Variants in MATN2 observed in about 807,000 individuals in gnomAD.
MATN2 encodes matrilin-2.
Under a neutral mutation model 103.2 loss-of-function variants are expected in MATN2, and 69 were observed. The ratio of observed to expected loss-of-function variants is 0.67; its 90% CI spans 0.55 to 0.82. The LOEUF (loss-of-function observed/expected upper bound fraction) is 0.82, where lower values mean the gene tolerates loss of function less well. Ranked by LOEUF, MATN2 falls within the 40% of genes least tolerant of loss-of-function variation. The pLI is 0.00. For synonymous variants in MATN2, 429 were observed against 450.2 expected, an observed-to-expected ratio of 0.95 and a Z score of 0.60; for missense variants, 1,023 against 1,211.5, an observed-to-expected ratio of 0.84 and a Z score of 2.31.
intron 15 of MATN2, among the ~76,000 whole-genome samples, chr8:98,030,855 G>T (rs1813990225): frequency 6.6e-6 from 1 of 151,914 alleles, no homozygotes; most frequent in Non-Finnish European, 1.5e-5. Flanking sequence ...TAGAGATGAG[G>T]TTTCACCATG....
At chr8:97,980,274 A>G (rs934290317) in intron 6 of MATN2, among the ~76,000 whole-genome samples, 1 of 152,244 alleles carries the variant, frequency 6.6e-6, no homozygotes, top group African/African-American at 2.4e-5. Context: ...AAGTAAATGA[A>G]TGAGTGGGCT....
chr8:97,905,611 C>T (rs369643300), intron 2 of MATN2, among the ~76,000 whole-genome samples: 9 of 152,144 alleles, frequency 5.9e-5, no homozygotes, highest in East Asian at 5.8e-4. Context: ...CACCTGTCAA[C>T]GGCCACAGGT....
chr8:98,015,117 C>A (rs1359099232), intron 10 of MATN2, among the ~76,000 whole-genome samples: 1 of 152,174 alleles, frequency 6.6e-6, no homozygotes, highest in Non-Finnish European at 1.5e-5. Context: ...GTCCAGCAAC[C>A]TGGGAGTCTT....
At position 97,963,633 on chromosome 8, in the gene MATN2, G is replaced by T. The variant is rs13262727; in HGVS notation, c.958+2103G>T. 7.4e-3 allele frequency among the ~76,000 whole-genome samples: 1,130 copies of T among 152,240 alleles called. 11 individuals carry two copies. The highest frequency in any genetic ancestry group is 0.016 in the South Asian group (77 of 4,810). On this transcript the variant is annotated intron_variant, in intron 5 of 18. Transcript: ENST00000254898. ...TTGGCGTGCTGTTTATCGGAGATGG[G>T]CGTTTCTCTGCGGCTGCTTGACTGC...
chr8:97,915,852 G>A (rs531720774), intron 2 of MATN2, among the ~76,000 whole-genome samples: 14 of 152,116 alleles, frequency 9.2e-5, no homozygotes, highest in South Asian at 4.2e-4. Flanking sequence ...TTGTATTGAG[G>A]GATGGTTGTG....
At chr8:97,884,529 A>G (rs1176439711) in intron 1 of MATN2, among the ~76,000 whole-genome samples, 1 of 152,180 alleles carries the variant, frequency 6.6e-6, no homozygotes, top group East Asian at 1.9e-4. Flanking sequence ...TCATGCCTGT[A>G]ATCCTAGCAC....
At chr8:97,943,205 A>T (rs1350343957) in intron 4 of MATN2, among the ~76,000 whole-genome samples, 1 of 151,990 alleles carries the variant, frequency 6.6e-6, no homozygotes, top group East Asian at 1.9e-4. Context: ...CTCAGCAAAC[A>T]ACCTAGAGAT....
At chr8:98,034,564 T>C (rs1380179653) in intron 18 of MATN2, among the ~76,000 whole-genome samples, 1 of 152,230 alleles carries the variant, frequency 6.6e-6, no homozygotes, top group Non-Finnish European at 1.5e-5. Context: ...GCTCTCATTC[T>C]GCCCTCAAGA....
chr8:97,901,075 T>A (rs112939427), intron 2 of MATN2, among the ~76,000 whole-genome samples: 2,472 of 152,260 alleles, frequency 0.016, 73 homozygotes, highest in African/African-American at 0.056. Flanking sequence ...GTACCGTTCA[T>A]CTGTTTGCAC....
chr8:97,911,857 G>T (rs546495973), intron 2 of MATN2, among the ~76,000 whole-genome samples: 13 of 152,284 alleles, frequency 8.5e-5, no homozygotes, highest in African/African-American at 3.1e-4. Flanking sequence ...TGCAGCACCA[G>T]GTGGGAATAA....
chr8:98,003,126 T>C (rs1486951473), intron 7 of MATN2, among the ~76,000 whole-genome samples: 2 of 151,566 alleles, frequency 1.3e-5, no homozygotes, highest in African/African-American at 2.4e-5. Flanking sequence ...TGTCCCCTCA[T>C]CCCCGGGCAT....
intron 18 of MATN2, 108 bp from the exon 19 acceptor site, chr8:98,035,549 C>A: frequency 2.3e-5 from 14 of 616,174 alleles, no homozygotes; most frequent in Admixed American, 6.6e-5. Flanking sequence ...GAAAAAAAAC[C>A]AAAACCTTTT....
chr8:97,949,041 C>T (rs192204654), intron 4 of MATN2, among the ~76,000 whole-genome samples: 29 of 152,234 alleles, frequency 1.9e-4, no homozygotes, highest in Admixed American at 3.3e-4. Flanking sequence ...AAGACAAACA[C>T]CACCATAAAA....
intron 1 of MATN2, among the ~76,000 whole-genome samples, chr8:97,887,670 C>T (rs1248280335): frequency 6.6e-6 from 1 of 152,128 alleles, no homozygotes; most frequent in Non-Finnish European, 1.5e-5. Flanking sequence ...TAATTGATGC[C>T]ATCTACTATT....
intron 4 of MATN2, among the ~76,000 whole-genome samples, chr8:97,951,629 A>G (rs925310756): frequency 1.1e-4 from 16 of 152,230 alleles, no homozygotes; most frequent in Non-Finnish European, 4.4e-5. Context: ...GTTTTAAATA[A>G]GATCTCTCCC....
intron 5 of MATN2, among the ~76,000 whole-genome samples, chr8:97,971,053 C>G (rs1811637935): frequency 6.6e-6 from 1 of 152,124 alleles, no homozygotes; most frequent in South Asian, 2.1e-4. Context: ...AGGAGTTGGT[C>G]AACACGCAGC....
chr8:97,911,752 T>A (rs531213578), intron 2 of MATN2, among the ~76,000 whole-genome samples: 76 of 152,210 alleles, frequency 5.0e-4, no homozygotes, highest in African/African-American at 1.8e-3. Flanking sequence ...CAGTGTCACC[T>A]AGCTGGTAGC....
At position 97,994,607 on chromosome 8, in the gene MATN2, G is replaced by C. The variant is rs771464723; in HGVS notation, c.1204+5G>C. The stretch of plus-strand genomic sequence containing the variant: ...CAGATAAGAAAACCTGCAGAAGTAA[G>C]TTACAGTGGGAGTTGGAGAAGGGCT... On this transcript the variant is annotated splice_donor_5th_base_variant and intron_variant, in intron 7 of 18. Transcript: ENST00000254898. The C allele has an allele frequency of 3.7e-6, 6 of 1,608,844 alleles. No homozygotes were observed. The highest frequency in any genetic ancestry group is 5.1e-6 in the Non-Finnish European group (6 of 1,178,636).
At chr8:97,949,642 C>T (rs1810878194) in intron 4 of MATN2, among the ~76,000 whole-genome samples, 1 of 152,140 alleles carries the variant, frequency 6.6e-6, no homozygotes, top group African/African-American at 2.4e-5. Context: ...CCAGCCATTC[C>T]ACTTTTAAGT....
Sources: gnomAD v4.1 joint callset for allele counts (sites outside exome capture counted in the v4.1 genomes callset) on GRCh38, gnomAD v4.1.1 for gene constraint, MANE v1.5 for transcripts, NCBI Gene and HGNC (gene_info 2026-07-23, HGNC 2026-07-21) for gene names.